USP15: variants seen among roughly 807,000 people sequenced by gnomAD.
The protein encoded by USP15 is ubiquitin specific peptidase 15.
USP15 carries 18 observed loss-of-function variants against 127.1 expected under a neutral mutation model. The observed-to-expected ratio is 0.14, with a 90% confidence interval of 0.10 to 0.21. The LOEUF (loss-of-function observed/expected upper bound fraction) is 0.21, where lower values mean the gene tolerates loss of function less well. Among genes scored for constraint, USP15 ranks in the 10% least tolerant of loss-of-function variants. USP15 has a pLI of 1.00. For synonymous variants in USP15, 364 were observed against 393.7 expected, an observed-to-expected ratio of 0.92 and a Z score of 0.89; for missense variants, 805 against 1,159.9, an observed-to-expected ratio of 0.69 and a Z score of 4.44.
At chr12:62,280,476 G>C (rs967902600) in intron 1 of USP15, among the ~76,000 whole-genome samples, 1 of 152,164 alleles carries the variant, frequency 6.6e-6, no homozygotes, top group African/African-American at 2.4e-5. Flanking sequence ...GGCAGGTTCT[G>C]TGTCTGGTGA....
chr12:62,306,821 C>T (rs2137215872), intron 3 of USP15, among the ~76,000 whole-genome samples: 1 of 152,156 alleles, frequency 6.6e-6, no homozygotes, highest in South Asian at 2.1e-4. Context: ...ATCTGGCAGC[C>T]AAGGGTGTGA....
intron 11 of USP15, among the ~76,000 whole-genome samples, chr12:62,388,131 T>A (rs1351694492): frequency 1.4e-5 from 2 of 147,504 alleles, no homozygotes; most frequent in African/African-American, 2.5e-5. Context: ...TTTTTTTTTT[T>A]TTTTTTTTTT....
At position 62,408,941 on chromosome 12, in the gene USP15, T is replaced by C. The variant is rs1370896920; in HGVS notation, c.*4566T>C. The stretch of plus-strand genomic sequence containing the variant: ...AAGAAAACTTTGGTTTAAAATTGAG[T>C]TATTTTATAAGCTACATAGAATACA... On this transcript the variant is annotated 3_prime_UTR_variant, in exon 22 of 22. Transcript: ENST00000280377. 2 of 152,114 alleles carry C rather than the reference T, an allele frequency of 1.3e-5. No homozygotes were observed. Among genetic ancestry groups the C allele is most frequent in the Non-Finnish European group, 2.9e-5 (2 of 68,024 alleles). The allele number at this position is 152,114 out of a possible 1,614,324, so 9.4% of individuals were successfully genotyped here.
chr12:62,310,661 G>A (rs1192039366), intron 3 of USP15, among the ~76,000 whole-genome samples: 3 of 151,826 alleles, frequency 2.0e-5, no homozygotes, highest in African/African-American at 7.3e-5. Flanking sequence ...TCCATATCTT[G>A]CTATTGTAGA....
At chr12:62,317,283 CTA>C (rs2064859148) in intron 4 of USP15, among the ~76,000 whole-genome samples, 1 of 152,080 alleles carries the variant, frequency 6.6e-6, no homozygotes, top group South Asian at 2.1e-4. Flanking sequence ...TGAATATTTA[CTA>C]TGTTTTAAGC....
At chr12:62,323,989 C>A (rs1263210456) in intron 5 of USP15, among the ~76,000 whole-genome samples, 1 of 143,220 alleles carries the variant, frequency 7.0e-6, no homozygotes, top group Non-Finnish European at 1.5e-5. Flanking sequence ...GTGACATAAA[C>A]CCTCTCCTGG....
chr12:62,391,469 C>T (rs756000136), intron 16 of USP15, 40 bp downstream of exon 16: 42 of 1,565,006 alleles, frequency 2.7e-5, no homozygotes, highest in Middle Eastern at 1.7e-4. Flanking sequence ...TTAAACAAGC[C>T]GAGCATGTTA....
intron 8 of USP15, among the ~76,000 whole-genome samples, chr12:62,374,222 T>A (rs2066757823): frequency 6.6e-6 from 1 of 152,056 alleles, no homozygotes; most frequent in Non-Finnish European, 1.5e-5. Flanking sequence ...ATGAATCCCT[T>A]ATTTTATTTA....
intron 8 of USP15, among the ~76,000 whole-genome samples, chr12:62,370,222 C>T (rs145466799): frequency 2.3e-3 from 349 of 152,296 alleles, no homozygotes; most frequent in African/African-American, 7.8e-3. Flanking sequence ...TGAGCCACCA[C>T]GCCTGGCCTT....
rs529988641 is a variant in USP15, at chr12:62,345,322, A to C, written c.684-3899A>C. 2.8e-5 allele frequency among the ~76,000 whole-genome samples: 4 copies of C among 142,832 alleles called. No homozygotes were observed. In the East Asian group the frequency reaches 7.9e-4, roughly 28 times the overall value. 93.7% of individuals were successfully genotyped at this position (142,832 alleles called of 152,430 possible). A position where few individuals can be genotyped will look rare whatever the true frequency, so the allele number is the denominator to read the frequency against. ...ATGCCACCAGTCTCTTTGCTAAAAC[A>C]TAACAAGAGTCACCCTTGCTCCAGT... On this transcript the variant is annotated intron_variant, in intron 6 of 21. Coordinates refer to ENST00000280377, the MANE Select transcript of USP15 (RefSeq NM_001252078.2).
chr12:62,392,000 G>T, intron 17 of USP15, 114 bp downstream of exon 17: 1 of 1,135,968 alleles, frequency 8.8e-7, no homozygotes, highest in Non-Finnish European at 1.2e-6. Flanking sequence ...TGTTTATTTT[G>T]CCAGTAAAAA....
At chr12:62,394,476 A>G (rs1462833454) in intron 19 of USP15, among the ~76,000 whole-genome samples, 1 of 152,200 alleles carries the variant, frequency 6.6e-6, no homozygotes, top group African/African-American at 2.4e-5. Context: ...TTATTGAGTG[A>G]AAAAAAGATC....
At chr12:62,402,415 C>T (rs1346436977) in intron 21 of USP15, among the ~76,000 whole-genome samples, 3 of 151,968 alleles carry the variant, frequency 2.0e-5, no homozygotes, top group Non-Finnish European at 4.4e-5. Flanking sequence ...ACTATGGCCA[C>T]TTAGAAAGGG....
intron 1 of USP15, among the ~76,000 whole-genome samples, chr12:62,277,275 C>G (rs1359196211): frequency 1.3e-5 from 2 of 152,100 alleles, no homozygotes; most frequent in African/African-American, 4.8e-5. Flanking sequence ...CCTAACCATT[C>G]AACACATGTA....
At chr12:62,398,134 G>A (rs1281794071) in intron 20 of USP15, among the ~76,000 whole-genome samples, 2 of 151,726 alleles carry the variant, frequency 1.3e-5, no homozygotes, top group African/African-American at 4.8e-5. Context: ...TGGACTACAG[G>A]CACATGCCAC....
At chr12:62,308,201 G>A (rs924841902) in intron 3 of USP15, among the ~76,000 whole-genome samples, 1 of 151,874 alleles carries the variant, frequency 6.6e-6, no homozygotes, top group Non-Finnish European at 1.5e-5. Context: ...TGAACTCCAG[G>A]TTGCTAAAAT....
At chr12:62,383,708 G>A (rs1268052063) in intron 9 of USP15, 132 bp from the exon 10 acceptor site, 4 of 1,127,600 alleles carry the variant, frequency 3.5e-6, no homozygotes, top group Admixed American at 2.9e-5. Flanking sequence ...TGATTTTGGG[G>A]TTACAAATAC....
intron 8 of USP15, among the ~76,000 whole-genome samples, chr12:62,368,445 A>C (rs1233990097): frequency 6.6e-6 from 1 of 152,122 alleles, no homozygotes; most frequent in Non-Finnish European, 1.5e-5. Context: ...TGAGAGTCTA[A>C]GTCTCTTTGT....
intron 1 of USP15, among the ~76,000 whole-genome samples, chr12:62,290,025 G>T (rs1006468092): frequency 2.6e-5 from 4 of 151,938 alleles, no homozygotes; most frequent in Admixed American, 1.3e-4. Flanking sequence ...TTGTTTTGTG[G>T]CATACCATAT....
Sources: allele counts gnomAD v4.1 joint callset (sites outside exome capture counted in the v4.1 genomes callset), GRCh38; gene constraint gnomAD v4.1.1; transcripts MANE v1.5; gene names NCBI Gene and HGNC (gene_info 2026-07-23, HGNC 2026-07-21).